FIGN: variants seen among roughly 807,000 people sequenced by gnomAD.
FIGN encodes fidgetin.
FIGN carries 11 observed loss-of-function variants against 51.3 expected under a neutral mutation model. That is an observed-to-expected ratio of 0.21 (90% CI 0.13 to 0.35). The LOEUF is 0.35. Among genes scored for constraint, FIGN ranks in the 10% least tolerant of loss-of-function variants. FIGN has a pLI of 1.00. For synonymous variants in FIGN, 407 were observed against 363.2 expected (o/e 1.12, Z -1.37); for missense variants, 857 against 943.6 (o/e 0.91, Z 1.20).
chr2:163,625,819 C>A (rs1683046106), intron 2 of FIGN, among the ~76,000 whole-genome samples: 1 of 152,022 alleles, frequency 6.6e-6, no homozygotes, highest in Non-Finnish European at 1.5e-5. Flanking sequence ...ACATAAATAT[C>A]TTTTGCTTAC....
At chr2:163,626,521 T>C (rs529726210) in intron 2 of FIGN, among the ~76,000 whole-genome samples, 2 of 152,256 alleles carry the variant, frequency 1.3e-5, no homozygotes, top group Admixed American at 6.5e-5. Context: ...AGATGTCAAA[T>C]AATAATAATA....
At chr2:163,723,421 T>C (rs981155121) in intron 2 of FIGN, among the ~76,000 whole-genome samples, 9 of 152,010 alleles carry the variant, frequency 5.9e-5, no homozygotes, top group African/African-American at 1.9e-4. Context: ...CAATCTATAG[T>C]AGGAGAAAGA....
At chr2:163,701,856 A>G (rs184985616) in intron 2 of FIGN, among the ~76,000 whole-genome samples, 69 of 152,222 alleles carry the variant, frequency 4.5e-4, no homozygotes, top group South Asian at 1.2e-3. Context: ...TTTCCTCACA[A>G]TTCAGTATTT....
intron 2 of FIGN, among the ~76,000 whole-genome samples, chr2:163,628,868 T>C (rs1429897044): frequency 6.6e-6 from 1 of 152,174 alleles, no homozygotes; most frequent in African/African-American, 2.4e-5. Context: ...TTATATATGA[T>C]GAAGCAGCTT....
intron 2 of FIGN, among the ~76,000 whole-genome samples, chr2:163,644,275 TGAATAGACATTTCTCCAAG>T (rs1269185928): frequency 2.6e-5 from 4 of 152,144 alleles, no homozygotes; most frequent in African/African-American, 9.7e-5. Flanking sequence ...GGCATTAATT[TGAATAGACATTTCTCCAAG>T]GAAGACATCT....
rs1057157501 is a variant in FIGN, at chr2:163,607,480, T to C, written c.*2072A>G. On this transcript the variant is annotated 3_prime_UTR_variant, in exon 3 of 3. Coordinates refer to ENST00000333129, the MANE Select transcript of FIGN (RefSeq NM_018086.4). Reference sequence around the variant, plus strand: ...AAAAATAAAAAAAGGGGAGTAAAGATCAAGCATCATAAAATTTCAGAGATA... The same window carrying C: ...AAAAATAAAAAAAGGGGAGTAAAGACCAAGCATCATAAAATTTCAGAGATA... 2 of 152,436 alleles carry C rather than the reference T, an allele frequency of 1.3e-5. No individual in the cohort carries two copies. Among genetic ancestry groups the C allele is most frequent in the African/African-American group, 4.8e-5 (2 of 41,408 alleles). 9.4% of individuals were successfully genotyped at this position (152,436 alleles called of 1,614,324 possible). A position where few individuals can be genotyped will look rare whatever the true frequency, so the allele number is the denominator to read the frequency against.
At chr2:163,620,598 T>C (rs1457949689) in intron 2 of FIGN, among the ~76,000 whole-genome samples, 1 of 152,194 alleles carries the variant, frequency 6.6e-6, no homozygotes, top group Non-Finnish European at 1.5e-5. Flanking sequence ...TTTTGCATTT[T>C]CTGAGTGTTT....
intron 2 of FIGN, among the ~76,000 whole-genome samples, chr2:163,690,562 T>C (rs62169905): frequency 0.02 from 3,059 of 152,236 alleles, 56 homozygotes; most frequent in Middle Eastern, 0.037. Flanking sequence ...CATTGGCATT[T>C]AGTATGATTA....
rs1491204332 is a variant in FIGN at position 163,718,838 on chromosome 2, AGT to A, written c.25+16063_25+16064del. On this transcript the variant is annotated intron_variant, in intron 2 of 2. Coordinates refer to ENST00000333129, the MANE Select transcript of FIGN (RefSeq NM_018086.4). ...GATTATATATATATAAGACAGAGAG[AGT>A]GAGAGAGAGAGAGAGAGAGAGACAT... 4.0e-3 allele frequency among the ~76,000 whole-genome samples: 600 copies of A among 148,230 alleles called. 6 individuals are homozygous for A. Among genetic ancestry groups the A allele is most frequent in the African/African-American group, 0.012 (474 of 40,656 alleles).
intron 2 of FIGN, among the ~76,000 whole-genome samples, chr2:163,631,044 G>A (rs186285770): frequency 8.5e-5 from 13 of 152,186 alleles, no homozygotes; most frequent in Non-Finnish European, 1.9e-4. Context: ...TTGAGTTTAC[G>A]AGTTGAGCTC....
intron 2 of FIGN, among the ~76,000 whole-genome samples, chr2:163,720,139 C>T (rs962051619): frequency 6.6e-5 from 10 of 152,116 alleles, no homozygotes; most frequent in Admixed American, 2.6e-4. Flanking sequence ...AGCCAAGCCC[C>T]GTTTCCACAA....
intron 2 of FIGN, among the ~76,000 whole-genome samples, chr2:163,621,086 A>G (rs1289886955): frequency 6.6e-6 from 1 of 152,148 alleles, no homozygotes; most frequent in Non-Finnish European, 1.5e-5. Context: ...GACAGTTTAC[A>G]TAAGACAAAA....
At chr2:163,629,952 C>CTTTTTTTTTTTTTTTT (rs71297448) in intron 2 of FIGN, among the ~76,000 whole-genome samples, 3 of 56,928 alleles carry the variant, frequency 5.3e-5, no homozygotes, top group Admixed American at 2.3e-4. Context: ...GAAAGGGGCA[C>CTTTTTTTTTTTTTTTT]TTTTTTTTTT....
intron 2 of FIGN, among the ~76,000 whole-genome samples, chr2:163,682,065 C>A (rs1184431385): frequency 6.6e-6 from 1 of 152,140 alleles, no homozygotes; most frequent in Non-Finnish European, 1.5e-5. Flanking sequence ...TACTCAGAGA[C>A]CTCAGGACAA....
At chr2:163,686,920 G>C (rs569864180) in intron 2 of FIGN, among the ~76,000 whole-genome samples, 1 of 151,300 alleles carries the variant, frequency 6.6e-6, no homozygotes, top group Non-Finnish European at 1.5e-5. Context: ...GGCAGAAGAC[G>C]TATGTATTTG....
At chr2:163,722,416 G>A (rs182495798) in intron 2 of FIGN, among the ~76,000 whole-genome samples, 2 of 152,208 alleles carry the variant, frequency 1.3e-5, no homozygotes, top group Non-Finnish European at 2.9e-5. Flanking sequence ...TATTTCCCAC[G>A]TTCAACCAAA....
intron 2 of FIGN, among the ~76,000 whole-genome samples, chr2:163,687,124 A>T (rs1684164068): frequency 6.6e-6 from 1 of 152,186 alleles, no homozygotes; most frequent in Non-Finnish European, 1.5e-5. Flanking sequence ...AGGCATTTGG[A>T]AGAGTTAGAG....
At chr2:163,661,225 A>ATTAT (rs1683674024) in intron 2 of FIGN, among the ~76,000 whole-genome samples, 1 of 150,352 alleles carries the variant, frequency 6.7e-6, no homozygotes. Flanking sequence ...CTTTAAAATG[A>ATTAT]TTATTTATTT....
At chr2:163,680,900 G>A (rs2105339000) in intron 2 of FIGN, among the ~76,000 whole-genome samples, 1 of 152,268 alleles carries the variant, frequency 6.6e-6, no homozygotes, top group South Asian at 2.1e-4. Flanking sequence ...TTATCAGCCT[G>A]TCTAGCAGAG....
Sources: gnomAD v4.1 joint callset for allele counts (sites outside exome capture counted in the v4.1 genomes callset) on GRCh38, gnomAD v4.1.1 for gene constraint, MANE v1.5 for transcripts, NCBI Gene and HGNC (gene_info 2026-07-23, HGNC 2026-07-21) for gene names.